Variants in ENPP7 observed in about 807,000 individuals in gnomAD.
ENPP7 encodes the protein ectonucleotide pyrophosphatase/phosphodiesterase 7.
Under a neutral mutation model 33.6 loss-of-function variants are expected in ENPP7, and 39 were observed. The observed-to-expected ratio is 1.16, with a 90% CI of 0.90 to 1.52. The LOEUF (loss-of-function observed/expected upper bound fraction) is 1.52. ENPP7 is among the 40% of genes most tolerant of loss of function. The probability of loss-of-function intolerance (pLI) is 0.00; values close to 1 mark genes in which losing one functional copy is unlikely to be tolerated. For missense variants in ENPP7, 594 were observed against 641.0 expected, an observed-to-expected ratio of 0.93 and a Z score of 0.79; for synonymous variants, 244 against 274.3, an observed-to-expected ratio of 0.89 and a Z score of 1.09.
intron 1 of ENPP7, among the ~76,000 whole-genome samples, chr17:79,732,109 C>CAT (rs200923031): frequency 0.11 from 9,010 of 82,538 alleles, 745 homozygotes; most frequent in South Asian, 0.26. Flanking sequence ...TATATATATA[C>CAT]ATATATATAT....
In ENPP7 at chr17:79,731,072, G is replaced by A. The variant is rs1267447745; in HGVS notation, c.-68G>A. 15 of 1,504,768 alleles carry A rather than the reference G, an allele frequency of 1.0e-5. No homozygotes were observed. The East Asian group carries it at 2.3e-4, about 24-fold the overall frequency. 93.2% of individuals were successfully genotyped at this position (1,504,768 alleles called of 1,614,324 possible). A position where few individuals can be genotyped will look rare whatever the true frequency, so the allele number is the denominator to read the frequency against. On this transcript the variant is annotated 5_prime_UTR_variant, in exon 1 of 6. Coordinates refer to ENST00000328313, the MANE Select transcript of ENPP7 (RefSeq NM_178543.5). ...ATGAGATCAGCCCGGGTGACCCTGGGACTTTGTCCTCCTCGGCAGGAGCCA... is the reference window on the plus strand; with the variant it reads ...ATGAGATCAGCCCGGGTGACCCTGGAACTTTGTCCTCCTCGGCAGGAGCCA...
At position 79,737,799 on chromosome 17, in the gene ENPP7, C is replaced by A. The variant is rs902661050; in HGVS notation, c.1247-117C>A. The A allele has an allele frequency of 3.6e-6, 4 of 1,104,636 alleles. No individual in the cohort carries two copies. Among genetic ancestry groups the A allele is most frequent in the Non-Finnish European group, 4.0e-6 (3 of 747,174 alleles). 68.4% of individuals were successfully genotyped at this position (1,104,636 alleles called of 1,614,324 possible). On this transcript the variant is annotated intron_variant, in intron 4 of 5. Coordinates refer to ENST00000328313, the MANE Select transcript of ENPP7 (RefSeq NM_178543.5). The surrounding 1 kb of genome is among the most constrained non-coding windows in gnomAD (Gnocchi z 5.5). Reference sequence around the variant, plus strand: ...GACAAAGGCCATGGGACCAAGGGGGCGGTGAAAGAGGAAGGAGGGGCTCGT... The same window carrying A: ...GACAAAGGCCATGGGACCAAGGGGGAGGTGAAAGAGGAAGGAGGGGCTCGT...
intron 3 of ENPP7, among the ~76,000 whole-genome samples, chr17:79,736,324 C>T (rs2094295667): frequency 6.6e-6 from 1 of 152,222 alleles, no homozygotes; most frequent in Admixed American, 6.5e-5. Context: ...CAGGGGTGAG[C>T]CACTGCGTCT....
At chr17:79,736,406 C>G (rs1441208970) in intron 3 of ENPP7, among the ~76,000 whole-genome samples, 1 of 152,298 alleles carries the variant, frequency 6.6e-6, no homozygotes, top group East Asian at 1.9e-4. Flanking sequence ...GTGTCAGCAC[C>G]GAAGGGACAC....
Position 79,737,239 on chromosome 17 carries a change from C to G in ENPP7, c.1225C>G (p.Leu409Val), listed in dbSNP as rs1217231629. ...GGCCAACGATGGGCACCTAGCTACT[C>G]TGCTGCCCATGCTGCACACAGGTGA... ...PEANDGHLAT[L>V]LPMLHTESAL... is the part of the protein sequence containing the mutation. Residue 409 changes from leucine to valine, a missense_variant, in exon 4 of 6, where the codon CTG becomes GTG. Around this residue, in one of 3 missense-constraint regions of ENPP7, gnomAD observed 504 missense variants for 512.8 expected, o/e 0.98. Transcript: ENST00000328313. The surrounding 1 kb of genome is among the most constrained non-coding windows in gnomAD (Gnocchi z 5.5). The G allele has an allele frequency of 6.2e-7, 1 of 1,607,888 alleles. No homozygotes were observed. The highest frequency in any genetic ancestry group is 1.3e-5 in the African/African-American group (1 of 74,910).
Position 79,741,858 on chromosome 17 carries a change from C to T in ENPP7, c.*81C>T, listed in dbSNP as rs375874280. ...TCTCGCTGCGATGCTCTGCTGGTCG[C>T]GGACGGACCCTGCCTCCCCAGCTTA... On this transcript the variant is annotated 3_prime_UTR_variant, in exon 6 of 6. Transcript: ENST00000328313. 40 of 985,690 alleles carry T rather than the reference C, an allele frequency of 4.1e-5. No individual in the cohort carries two copies. The East Asian group carries it at 1.5e-3, about 36-fold the overall frequency. 61.1% of individuals were successfully genotyped at this position (985,690 alleles called of 1,614,324 possible). A position where few individuals can be genotyped will look rare whatever the true frequency, so the allele number is the denominator to read the frequency against.
chr17:79,731,551 TC>T (rs1273184530), intron 1 of ENPP7, among the ~76,000 whole-genome samples, 159 bp downstream of exon 1: 3 of 149,930 alleles, frequency 2.0e-5, no homozygotes, highest in Non-Finnish European at 4.4e-5. Flanking sequence ...TAGCAACAGA[TC>T]CGGGACAAAG....
At chr17:79,736,988 G>C in intron 3 of ENPP7, 53 bp from the exon 4 acceptor site, 1 of 1,505,610 alleles carries the variant, frequency 6.6e-7, no homozygotes, top group East Asian at 2.3e-5. Flanking sequence ...GGTAGGCGGA[G>C]AGGGTCTGTT....
intron 1 of ENPP7, among the ~76,000 whole-genome samples, 181 bp downstream of exon 1, chr17:79,731,573 A>AGG (rs35067783): frequency 6.6e-6 from 1 of 152,044 alleles, no homozygotes; most frequent in Non-Finnish European, 1.5e-5. Flanking sequence ...AAAAATGACC[A>AGG]GGGGGGTCCT....
chr17:79,737,221 G>A lies in ENPP7; in HGVS notation c.1207G>A (p.Asp403Asn), dbSNP rs782113195. ...RLLGIVPEAN[D>N]GHLATLLPML... is the part of the protein sequence containing the mutation. ...GCTGGGCATCGTGCCCGAGGCCAAC[G>A]ATGGGCACCTAGCTACTCTGCTGCC... is the stretch of plus-strand genomic sequence containing the variant. The change falls in exon 4 of 6, where the codon GAT (aspartate) becomes AAT (asparagine). Residue 403 changes from aspartate to asparagine, a missense_variant. Physicochemically the swap from Asp to Asn is conservative, Grantham distance 23. Around this residue, in one of 3 missense-constraint regions of ENPP7, gnomAD observed 504 missense variants for 512.8 expected, o/e 0.98. Transcript: ENST00000328313. This position sits in a 1 kb window ranked among gnomAD's most constrained non-coding sequence, Gnocchi z 5.5. The A allele has an allele frequency of 1.2e-5, 20 of 1,610,984 alleles. No individual in the cohort carries two copies. The highest frequency in any genetic ancestry group is 8.8e-5 in the South Asian group (8 of 91,048).
Position 79,735,599 on chromosome 17 carries a change from T to G in ENPP7, c.956T>G (p.Phe319Cys). The G allele has an allele frequency of 6.2e-7, 1 of 1,613,796 alleles. No homozygotes were observed. The highest frequency in any genetic ancestry group is 1.7e-5 in the Admixed American group (1 of 60,018). The change falls in exon 3 of 6, where the codon TTC becomes TGC. Residue 319 changes from phenylalanine to cysteine, a missense_variant. Phe to Cys is a radical substitution (Grantham distance 205). This residue lies in a region of ENPP7 where 504 missense variants were observed against 512.8 expected (regional missense o/e 0.98). Transcript: ENST00000328313. This position sits in a 1 kb window ranked among gnomAD's most constrained non-coding sequence, Gnocchi z 5.5. ...AAGAAGGAGGCGTTCCCCGAGGCCT[T>G]CCACTACGCCAACAACCCCAGGGTC... Reference protein sequence around the residue: ...VYKKEAFPEAFHYANNPRVTP... With the variant: ...VYKKEAFPEACHYANNPRVTP...
chr17:79,740,945 T>C (rs1905479701), intron 5 of ENPP7, among the ~76,000 whole-genome samples: 1 of 152,198 alleles, frequency 6.6e-6, no homozygotes, highest in South Asian at 2.1e-4. Context: ...GTAAAGTCCA[T>C]TTGGAACTAG....
Position 79,739,121 on chromosome 17 carries a change from T to G in ENPP7, c.*16+1059T>G, listed in dbSNP as rs527804390. On this transcript the variant is annotated intron_variant, in intron 5 of 5. Coordinates refer to ENST00000328313, the MANE Select transcript of ENPP7 (RefSeq NM_178543.5). The surrounding 1 kb of genome is among the most constrained non-coding windows in gnomAD (Gnocchi z 4.4). ...GGTGGATTTAGGGAGAAAACCAGAA[T>G]GACAGACACACCAGAAGAAGCCAGA... The G allele has an allele frequency of 6.6e-6, 1 of 152,454 alleles. No individual in the cohort carries two copies. The highest frequency in any genetic ancestry group is 2.1e-4 in the South Asian group (1 of 4,828). 9.4% of individuals were successfully genotyped at this position (152,454 alleles called of 1,614,324 possible). A position where few individuals can be genotyped will look rare whatever the true frequency, so the allele number is the denominator to read the frequency against.
In ENPP7 at chr17:79,735,735, T is replaced by C; in HGVS notation, c.1026+66T>C. 6.9e-7 allele frequency: 1 copy of C among 1,449,432 alleles called. No individual in the cohort carries two copies. The highest frequency in any genetic ancestry group is 2.3e-5 in the East Asian group (1 of 43,910). The allele number at this position is 1,449,432 out of a possible 1,614,324, so 89.8% of individuals were successfully genotyped here. ...CCCCAGGCTCTGGGTCTTCTTTTTTTTTTTTTGAGACCAGGGTCTTGCTCT... is the reference window on the plus strand; with the variant it reads ...CCCCAGGCTCTGGGTCTTCTTTTTTCTTTTTTGAGACCAGGGTCTTGCTCT... On this transcript the variant is annotated intron_variant, in intron 3 of 5. Coordinates refer to ENST00000328313, the MANE Select transcript of ENPP7 (RefSeq NM_178543.5). The surrounding 1 kb of genome is among the most constrained non-coding windows in gnomAD (Gnocchi z 5.5).
chr17:79,737,065 G>A lies in ENPP7; in HGVS notation c.1051G>A (p.Gly351Arg), dbSNP rs1555823735. The A allele has an allele frequency of 6.2e-7, 1 of 1,614,124 alleles. No individual in the cohort carries two copies. Among genetic ancestry groups the A allele is most frequent in the Admixed American group, 1.7e-5 (1 of 60,028 alleles). Residue 351 changes from glycine (G) to arginine (R), a missense_variant, in exon 4 of 6, where the codon GGG becomes AGG. Coordinates refer to ENST00000328313, the MANE Select transcript of ENPP7 (RefSeq NM_178543.5). The surrounding 1 kb of genome is among the most constrained non-coding windows in gnomAD (Gnocchi z 5.5). ...HGRINVQFNN[G>R]EHGFDNKDMD... ...GAGAATTAACGTCCAGTTCAACAAT[G>A]GGGAGCACGGCTTTGACAACAAGGA...
At chr17:79,733,099 A>T (rs1468513143) in intron 1 of ENPP7, among the ~76,000 whole-genome samples, 1 of 152,026 alleles carries the variant, frequency 6.6e-6, no homozygotes, top group Non-Finnish European at 1.5e-5. Context: ...CCTGCCTGGG[A>T]TCTCGTCTGA....
Position 79,738,148 on chromosome 17 carries a change from AC to A in ENPP7, c.*16+88del. ...GATGTCCCAGCTACAGTCCTAGGCA[AC>A]CAGAACAGAGCTGCCAGGCCCCGCC... is the stretch of plus-strand genomic sequence containing the variant. On this transcript the variant is annotated intron_variant, in intron 5 of 5. Coordinates refer to ENST00000328313, the MANE Select transcript of ENPP7 (RefSeq NM_178543.5). The surrounding 1 kb of genome is among the most constrained non-coding windows in gnomAD (Gnocchi z 6.2). 1 of 1,421,396 alleles carries A rather than the reference AC, an allele frequency of 7.0e-7. No individual in the cohort carries two copies. The highest frequency in any genetic ancestry group is 9.7e-7 in the Non-Finnish European group (1 of 1,035,558). The allele number at this position is 1,421,396 out of a possible 1,614,324, so 88.0% of individuals were successfully genotyped here.
rs1260417941 is a variant in ENPP7 at position 79,732,132 on chromosome 17, GTATA to G, written c.253+755_253+758del. Among the ~76,000 whole-genome samples the G allele has an allele frequency of 9.5e-4, 46 of 48,416 alleles. 3 individuals carry two copies. Among genetic ancestry groups the G allele is most frequent in the African/African-American group, 2.4e-3 (29 of 12,272 alleles). The allele number at this position is 48,416 out of a possible 152,430, so 31.8% of individuals were successfully genotyped here. A position where few individuals can be genotyped will look rare whatever the true frequency, so the allele number is the denominator to read the frequency against. ...TACATATATATATACATATATATATGTATATATATATATATATACACACACATAT... is the reference window on the plus strand; with the variant it reads ...TACATATATATATACATATATATATGTATATATATATATACACACACATAT... On this transcript the variant is annotated intron_variant, in intron 1 of 5. Coordinates refer to ENST00000328313, the MANE Select transcript of ENPP7 (RefSeq NM_178543.5).
At position 79,735,546 on chromosome 17, in the gene ENPP7, G is replaced by A. The variant is rs534627035; in HGVS notation, c.903G>A (p.Lys301=). 1.2e-6 allele frequency: 2 copies of A among 1,613,874 alleles called. No individual in the cohort carries two copies. Among genetic ancestry groups the A allele is most frequent in the Admixed American group, 1.7e-5 (1 of 60,002 alleles). ...TGGAGAAGGTGTACGATGCCCTCAAGGACGCCCACCCCAAGCTCCACGTCT... is the reference window on the plus strand; with the variant it reads ...TGGAGAAGGTGTACGATGCCCTCAAAGACGCCCACCCCAAGCTCCACGTCT... ...GRLEKVYDAL[K]DAHPKLHVYK... Residue 301 remains lysine, a synonymous_variant, in exon 3 of 6, where the codon AAG becomes AAA. Coordinates refer to ENST00000328313, the MANE Select transcript of ENPP7 (RefSeq NM_178543.5). The surrounding 1 kb of genome is among the most constrained non-coding windows in gnomAD (Gnocchi z 5.5).
Sources: gnomAD v4.1 joint callset for allele counts (sites outside exome capture counted in the v4.1 genomes callset) on GRCh38, gnomAD v4.1.1 for gene constraint, gnomAD v4.1.1 regional missense constraint, Gnocchi (gnomAD v3.1) non-coding constraint, MANE v1.5 for transcripts, NCBI Gene and HGNC (gene_info 2026-07-23, HGNC 2026-07-21) for gene names.